The following KIFC3 variants were observed in gnomAD, a reference collection of about 807,000 sequenced individuals.
KIFC3 encodes the protein kinesin-like protein KIFC3.
In KIFC3, 60 loss-of-function variants were observed where a neutral mutation model predicts 101.8. The observed-to-expected ratio is 0.59, with a 90% CI of 0.48 to 0.73. The LOEUF (loss-of-function observed/expected upper bound fraction) is 0.73, where lower values mean the gene tolerates loss of function less well. KIFC3 is among the 30% of genes least tolerant of loss of function. The pLI is 0.00. For missense variants in KIFC3, 966 were observed against 1,137.1 expected (o/e 0.85, Z 2.16); for synonymous variants, 476 against 482.7 (o/e 0.99, Z 0.18).
chr16:57,839,925 C>T (rs531256167), intron 1 of KIFC3, among the ~76,000 whole-genome samples: 4 of 152,244 alleles, frequency 2.6e-5, no homozygotes, highest in African/African-American at 9.6e-5. Flanking sequence ...TTAACAACTC[C>T]ACTCTCCGCT....
chr16:57,823,881 C>A (rs1431978823), intron 1 of KIFC3, among the ~76,000 whole-genome samples: 2 of 151,802 alleles, frequency 1.3e-5, no homozygotes, highest in Non-Finnish European at 2.9e-5. Flanking sequence ...CCCGCCTGGG[C>A]CTTGCAAAGT....
chr16:57,782,150 G>A, intron 3 of KIFC3: 1 of 985,174 alleles, frequency 1.0e-6, no homozygotes, highest in Non-Finnish European at 1.2e-6. Context: ...AGCTCACGAT[G>A]CACCACACAT....
At chr16:57,775,917 C>T in intron 3 of KIFC3, 1 of 985,626 alleles carries the variant, frequency 1.0e-6, no homozygotes, top group Non-Finnish European at 1.2e-6. Context: ...AATCACGGGC[C>T]TGCTGCAGGG....
intron 1 of KIFC3, among the ~76,000 whole-genome samples, chr16:57,811,387 AAAGG>A (rs1396576818): frequency 2.6e-5 from 4 of 152,120 alleles, no homozygotes; most frequent in African/African-American, 9.7e-5. Context: ...TTTAAGAGAG[AAAGG>A]AAGAAGGAAG....
upstream of KIFC3, chr16:57,802,940 C>T: frequency 6.5e-7 from 1 of 1,530,304 alleles, no homozygotes; most frequent in Middle Eastern, 1.7e-4. The surrounding 1 kb of genome is among the most constrained non-coding windows in gnomAD (Gnocchi z 5.0). Context: ...CATCCCAACA[C>T]ACACACAAGC....
chr16:57,794,858 C>A (rs2054162984), intron 3 of KIFC3, 141 bp downstream of exon 3: 2 of 672,470 alleles, frequency 3.0e-6, no homozygotes, highest in Non-Finnish European at 2.3e-6. Context: ...GCAGAGGGGT[C>A]ATGAGGGGCC....
chr16:57,771,331 C>A lies in KIFC3; in HGVS notation c.632G>T (p.Arg211Leu). The change falls in exon 6 of 20, where the codon CGG becomes CTG. Residue 211 changes from arginine to leucine, a missense_variant. Arg to Leu is a moderately radical substitution (Grantham distance 102). This residue lies in a region of KIFC3 where 689 missense variants were observed against 884.6 expected (regional missense o/e 0.78). Coordinates refer to ENST00000445690, the MANE Select transcript of KIFC3 (RefSeq NM_001130100.2). The stretch of plus-strand genomic sequence containing the variant: ...GAGTCGCAGCTCCACCTCAGCCAGC[C>A]GGTCGGTCTTCTGCTGCACCTCTAG... Reference protein sequence around the residue: ...LNLEVQQKTDRLAEVELRLKD... With the variant: ...LNLEVQQKTDLLAEVELRLKD... 6.2e-7 allele frequency: 1 copy of A among 1,613,772 alleles called. No homozygotes were observed. Among genetic ancestry groups the A allele is most frequent in the Non-Finnish European group, 8.5e-7 (1 of 1,180,042 alleles).
At chr16:57,822,098 C>T (rs1457807582) in intron 1 of KIFC3, among the ~76,000 whole-genome samples, 2 of 151,926 alleles carry the variant, frequency 1.3e-5, no homozygotes, top group South Asian at 2.1e-4. Flanking sequence ...AAAACAAAAA[C>T]TAAAACAAAA....
intron 2 of KIFC3, among the ~76,000 whole-genome samples, chr16:57,795,910 T>TTTTC (rs2054281725): frequency 7.0e-6 from 1 of 142,968 alleles, no homozygotes; most frequent in Non-Finnish European, 1.5e-5. Flanking sequence ...TTTTTTTTTT[T>TTTTC]TGAGACAGGG....
intron 1 of KIFC3, among the ~76,000 whole-genome samples, chr16:57,857,131 G>A (rs2149335847): frequency 6.6e-6 from 1 of 152,290 alleles, no homozygotes; most frequent in South Asian, 2.1e-4. Context: ...CCAAGGCAGA[G>A]CAGCACAGGC....
chr16:57,784,324 G>A (rs1422431457), intron 3 of KIFC3, among the ~76,000 whole-genome samples: 2 of 152,236 alleles, frequency 1.3e-5, no homozygotes, highest in East Asian at 3.9e-4. Flanking sequence ...TGTGGGGTAA[G>A]TGTGTAAGAG....
At chr16:57,846,174 G>T (rs1231730211) in intron 1 of KIFC3, among the ~76,000 whole-genome samples, 2 of 152,214 alleles carry the variant, frequency 1.3e-5, no homozygotes, top group Non-Finnish European at 2.9e-5. Context: ...CCAGGGGCTG[G>T]TGATGGCCTG....
chr16:57,803,259 G>C (rs1310948798), upstream of KIFC3: 4 of 699,396 alleles, frequency 5.7e-6, no homozygotes, highest in East Asian at 5.4e-5. Flanking sequence ...AAGAGGCCTG[G>C]GGGAGGCCAG....
At chr16:57,775,378 A>G in intron 3 of KIFC3, 1 of 1,081,106 alleles carries the variant, frequency 9.2e-7, no homozygotes, top group Middle Eastern at 4.1e-4. Flanking sequence ...TGGCCAAGGC[A>G]CCAGTGGCCT....
At chr16:57,823,803 G>GTGTGTGTGTGTGTGTT (rs1282049517) in intron 1 of KIFC3, among the ~76,000 whole-genome samples, 1 of 143,514 alleles carries the variant, frequency 7.0e-6, no homozygotes, top group Non-Finnish European at 1.5e-5. Context: ...GTGTGTGTGT[G>GTGTGTGTGTGTGTGTT]TTTTTAGTAG....
chr16:57,766,792 G>T, intron 10 of KIFC3, 82 bp downstream of exon 10: 1 of 858,664 alleles, frequency 1.2e-6, no homozygotes, highest in Non-Finnish European at 1.9e-6. Flanking sequence ...TGCCTCAATG[G>T]TGGGGTGAGC....
At chr16:57,788,593 T>C (rs1319613291) in intron 3 of KIFC3, 16 of 1,288,966 alleles carry the variant, frequency 1.2e-5, no homozygotes, top group Non-Finnish European at 1.3e-5. Context: ...TCTACATTCA[T>C]GGTGCCACCA....
chr16:57,781,823 T>C, intron 3 of KIFC3: 1 of 551,596 alleles, frequency 1.8e-6, no homozygotes, highest in Non-Finnish European at 2.3e-6. Context: ...GGTTAAGCCT[T>C]GGTTAGGCAA....
Position 57,759,150 on chromosome 16 carries a change from C to G in KIFC3, c.2480G>C (p.Ter827SerextTer8). ...CTAGAGACTCTGCAGCCCCAGCCGT[C>G]AGGCTGAAATCAAAGTGACAGGCGT... ...SIRRKLQPSA* is the reference protein window; with the variant it reads ...SIRRKLQPSAS Residue 827 changes from the stop codon to serine (S), a stop_lost, in exon 19 of 20, where the codon TGA becomes TCA. Coordinates refer to ENST00000445690, the MANE Select transcript of KIFC3 (RefSeq NM_001130100.2). 1 of 1,550,916 alleles carries G rather than the reference C, an allele frequency of 6.4e-7. No individual in the cohort carries two copies. Among genetic ancestry groups the G allele is most frequent in the African/African-American group, 1.4e-5 (1 of 73,186 alleles).
Sources: gnomAD v4.1 joint callset for allele counts (sites outside exome capture counted in the v4.1 genomes callset) on GRCh38, gnomAD v4.1.1 for gene constraint, gnomAD v4.1.1 regional missense constraint, Gnocchi (gnomAD v3.1) non-coding constraint, MANE v1.5 for transcripts, NCBI Gene and HGNC (gene_info 2026-07-23, HGNC 2026-07-21) for gene names.